The following DCC variants were observed in gnomAD, a reference collection of about 807,000 sequenced individuals.
The protein encoded by DCC is netrin receptor DCC.
Under a neutral mutation model 172.5 loss-of-function variants are expected in DCC, and 58 were observed. The observed-to-expected ratio is 0.34, with a 90% CI of 0.27 to 0.42. DCC has a LOEUF of 0.42. Among genes scored for constraint, DCC ranks in the 10% least tolerant of loss-of-function variants. The pLI, the probability that DCC is intolerant of heterozygous loss-of-function variation, is 1.00. For missense variants in DCC, 1,740 were observed against 1,791.0 expected (o/e 0.97, Z 0.51); for synonymous variants, 709 against 644.5 (o/e 1.10, Z -1.52).
chr18:52,378,512 A>G (rs1449850883), intron 1 of DCC, among the ~76,000 whole-genome samples: 2 of 152,136 alleles, frequency 1.3e-5, no homozygotes, highest in African/African-American at 4.8e-5. Context: ...GGCAAGATAC[A>G]CAGCCATGAA....
Position 53,136,209 on chromosome 18 carries a change from C to CTATCTATCTATCTATCTA in DCC, c.1262-21144_1262-21143insCTATCTATCTATCTATAT, listed in dbSNP as rs1052070144. Among the ~76,000 whole-genome samples, 15 of 144,294 alleles carry CTATCTATCTATCTATCTA rather than the reference C, an allele frequency of 1.0e-4. No homozygotes were observed. The South Asian group carries it at 1.1e-3, about 10-fold the overall frequency. The allele number at this position is 144,294 out of a possible 152,430, so 94.7% of individuals were successfully genotyped here. On this transcript the variant is annotated intron_variant, in intron 7 of 28. Coordinates refer to ENST00000442544, the MANE Select transcript of DCC (RefSeq NM_005215.4). ...CATGTGATTTTATCTATCTATCTAT[C>CTATCTATCTATCTATCTA]TATATATATATACACACACACACAC...
intron 2 of DCC, among the ~76,000 whole-genome samples, chr18:52,772,433 T>C (rs2037360532): frequency 6.6e-6 from 1 of 152,202 alleles, no homozygotes; most frequent in South Asian, 2.1e-4. Flanking sequence ...TGATTTGTAT[T>C]AGAGTTTTAA....
At chr18:53,312,726 T>C (rs1409772420) in intron 13 of DCC, among the ~76,000 whole-genome samples, 1 of 142,498 alleles carries the variant, frequency 7.0e-6, no homozygotes, top group Non-Finnish European at 1.5e-5. Flanking sequence ...GGAGAATGGC[T>C]TGAACCGGGG....
intron 12 of DCC, among the ~76,000 whole-genome samples, chr18:53,239,403 G>A (rs2056255390): frequency 6.6e-6 from 1 of 152,038 alleles, no homozygotes; most frequent in South Asian, 2.1e-4. Flanking sequence ...AGTTACTTCA[G>A]TTTTCTTCCT....
chr18:52,491,415 T>C (rs2030495309), intron 1 of DCC, among the ~76,000 whole-genome samples: 1 of 152,080 alleles, frequency 6.6e-6, no homozygotes. Flanking sequence ...CTGGACATAA[T>C]ATGTGAGCTA....
chr18:52,446,347 T>A (rs887282756), intron 1 of DCC, among the ~76,000 whole-genome samples: 1 of 152,216 alleles, frequency 6.6e-6, no homozygotes, highest in South Asian at 2.1e-4. Flanking sequence ...TGTATTTGCT[T>A]ATCTACAAGC....
At chr18:52,476,734 CA>C (rs149288457) in intron 1 of DCC, among the ~76,000 whole-genome samples, 1,923 of 151,938 alleles carry the variant, frequency 0.013, 39 homozygotes, top group African/African-American at 0.045. Context: ...TAACTGCTAC[CA>C]AAAAAACCTT....
chr18:53,165,100 A>T (rs575292107), intron 8 of DCC, among the ~76,000 whole-genome samples: 32 of 152,292 alleles, frequency 2.1e-4, no homozygotes, highest in African/African-American at 7.5e-4. Context: ...AGCATCATTC[A>T]ATTTAATCCT....
intron 5 of DCC, among the ~76,000 whole-genome samples, chr18:53,040,599 T>C (rs12608189): frequency 0.12 from 18,619 of 151,930 alleles, 1,785 homozygotes; most frequent in East Asian, 0.29. Flanking sequence ...TTATGAAGCT[T>C]CTATAAGATT....
chr18:52,381,000 A>G (rs1985561879), intron 1 of DCC, among the ~76,000 whole-genome samples: 1 of 152,174 alleles, frequency 6.6e-6, no homozygotes, highest in South Asian at 2.1e-4. Flanking sequence ...ATTATTTAAA[A>G]AGAAAATTAA....
chr18:52,763,553 A>G (rs1336633269), intron 2 of DCC, among the ~76,000 whole-genome samples: 1 of 152,228 alleles, frequency 6.6e-6, no homozygotes. Flanking sequence ...TGCAGATAAA[A>G]TAAATGTTCT....
chr18:52,815,287 C>T (rs530878534), intron 2 of DCC, among the ~76,000 whole-genome samples: 4 of 151,952 alleles, frequency 2.6e-5, no homozygotes, highest in Non-Finnish European at 4.4e-5. Flanking sequence ...GAAATAGGGC[C>T]TATAAGGAGT....
intron 2 of DCC, among the ~76,000 whole-genome samples, chr18:52,772,291 C>A (rs1291240960): frequency 6.6e-6 from 1 of 152,062 alleles, no homozygotes; most frequent in African/African-American, 2.4e-5. Flanking sequence ...AGACAGTAAA[C>A]CATGGATATC....
chr18:52,550,854 T>C (rs1489239045), intron 1 of DCC, among the ~76,000 whole-genome samples: 1 of 151,828 alleles, frequency 6.6e-6, no homozygotes, highest in Non-Finnish European at 1.5e-5. Context: ...GTATGGGAAC[T>C]CTGTACGATC....
At chr18:52,559,596 G>A (rs981181214) in intron 1 of DCC, among the ~76,000 whole-genome samples, 1 of 151,946 alleles carries the variant, frequency 6.6e-6, no homozygotes, top group African/African-American at 2.4e-5. Flanking sequence ...CCAAGGTACT[G>A]CAATATGAAA....
At chr18:53,129,070 G>A (rs1257823281) in intron 7 of DCC, among the ~76,000 whole-genome samples, 3 of 151,362 alleles carry the variant, frequency 2.0e-5, no homozygotes, top group African/African-American at 7.3e-5. Context: ...TGTTTTTAGT[G>A]GAGATGACGT....
At chr18:53,510,574 A>AAGAT (rs2046238868) in intron 27 of DCC, among the ~76,000 whole-genome samples, 1 of 152,216 alleles carries the variant, frequency 6.6e-6, no homozygotes, top group Non-Finnish European at 1.5e-5. Context: ...AAAAACAAGA[A>AAGAT]AGATATTTGA....
At chr18:52,879,037 AC>A (rs751018685) in intron 2 of DCC, among the ~76,000 whole-genome samples, 4 of 151,788 alleles carry the variant, frequency 2.6e-5, no homozygotes, top group African/African-American at 7.2e-5. Flanking sequence ...GGGGAAGTGT[AC>A]TAAAAAGACT....
chr18:53,439,137 T>C (rs531247323), intron 22 of DCC, among the ~76,000 whole-genome samples: 5 of 152,356 alleles, frequency 3.3e-5, no homozygotes, highest in Admixed American at 2.6e-4. Context: ...CCAAACTTTA[T>C]CTGCTTCCTA....
Sources: gnomAD v4.1 joint callset for allele counts (sites outside exome capture counted in the v4.1 genomes callset) on GRCh38, gnomAD v4.1.1 for gene constraint, MANE v1.5 for transcripts, NCBI Gene and HGNC (gene_info 2026-07-23, HGNC 2026-07-21) for gene names.